The following CDH12 variants were observed in gnomAD, a reference collection of about 807,000 sequenced individuals.
CDH12 encodes the protein cadherin 12, also known as cadherin-12.
In CDH12, 41 loss-of-function variants were observed where a neutral mutation model predicts 74.1. The ratio of observed to expected loss-of-function variants is 0.55; its 90% CI spans 0.43 to 0.72. CDH12 has a LOEUF of 0.72. Among genes scored for constraint, CDH12 ranks in the 30% least tolerant of loss-of-function variants. The pLI, the probability that CDH12 is intolerant of heterozygous loss-of-function variation, is 0.00. For synonymous variants in CDH12, 399 were observed against 355.0 expected (o/e 1.12, Z -1.39); for missense variants, 945 against 977.2 (o/e 0.97, Z 0.44).
At chr5:22,616,300 T>A (rs1402949129) in intron 1 of CDH12, among the ~76,000 whole-genome samples, 7 of 152,184 alleles carry the variant, frequency 4.6e-5, no homozygotes, top group African/African-American at 1.2e-4. Context: ...CAAATAGGTA[T>A]GAGAAAAGCT....
intron 1 of CDH12, chr5:22,638,572 A>G (rs557318536): frequency 3.6e-4 from 55 of 152,482 alleles, no homozygotes; most frequent in Non-Finnish European, 5.6e-4. Flanking sequence ...ACTGACTCCA[A>G]TGTTAATCTC....
chr5:22,005,243 A>C (rs1736873119), intron 5 of CDH12, among the ~76,000 whole-genome samples: 2 of 152,024 alleles, frequency 1.3e-5, no homozygotes, highest in South Asian at 4.2e-4. Context: ...AGGTTTCGCC[A>C]TGTTGGCCAG....
Position 21,962,256 on chromosome 5 carries a change from A to G in CDH12, c.526+12835T>C, listed in dbSNP as rs557238760. On this transcript the variant is annotated intron_variant, in intron 6 of 14. Transcript: ENST00000382254. The stretch of plus-strand genomic sequence containing the variant: ...GATGGCTTGATATCCCATGTCATTC[A>G]ATCTCTTATTTTAATCATTTTCCTC... Among the ~76,000 whole-genome samples, 270 of 152,064 alleles carry G rather than the reference A, an allele frequency of 1.8e-3. 3 individuals are homozygous for G. The highest frequency in any genetic ancestry group is 5.9e-3 in the African/African-American group (246 of 41,510).
At chr5:22,209,701 C>G (rs1385100789) in intron 4 of CDH12, among the ~76,000 whole-genome samples, 1 of 151,042 alleles carries the variant, frequency 6.6e-6, no homozygotes, top group African/African-American at 2.4e-5. Context: ...AAAGTACATG[C>G]TGGTTTCCAA....
At chr5:22,376,689 T>G (rs913020803) in intron 3 of CDH12, among the ~76,000 whole-genome samples, 1 of 148,776 alleles carries the variant, frequency 6.7e-6, no homozygotes, top group Non-Finnish European at 1.5e-5. Flanking sequence ...ACTAATTTTT[T>G]TTTTTTTTTT....
intron 1 of CDH12, among the ~76,000 whole-genome samples, chr5:22,680,661 A>G (rs1741442109): frequency 6.6e-6 from 1 of 152,022 alleles, no homozygotes; most frequent in South Asian, 2.1e-4. Context: ...TATTATATGG[A>G]TGACTATGTT....
chr5:22,380,969 ATAT>A (rs1175946356), intron 3 of CDH12, among the ~76,000 whole-genome samples: 23 of 152,210 alleles, frequency 1.5e-4, no homozygotes, highest in African/African-American at 5.1e-4. Flanking sequence ...GATTCAAGAA[ATAT>A]TATACTGTAT....
intron 3 of CDH12, among the ~76,000 whole-genome samples, chr5:22,370,585 T>C (rs1405664432): frequency 5.3e-5 from 8 of 152,170 alleles, no homozygotes; most frequent in Non-Finnish European, 8.8e-5. Flanking sequence ...TTTGAGTATT[T>C]TCCTAACAGA....
At chr5:22,786,245 A>G (rs901947918) in intron 1 of CDH12, among the ~76,000 whole-genome samples, 2 of 152,250 alleles carry the variant, frequency 1.3e-5, no homozygotes, top group African/African-American at 2.4e-5. Context: ...GTTCTCACTT[A>G]TAAGTGGGAG....
chr5:22,536,656 G>T (rs1737859487), intron 1 of CDH12, among the ~76,000 whole-genome samples: 1 of 152,152 alleles, frequency 6.6e-6, no homozygotes, highest in Admixed American at 6.5e-5. Context: ...TACAAATTCT[G>T]TAGAGTATAT....
At chr5:21,936,553 T>G (rs1396244988) in intron 6 of CDH12, among the ~76,000 whole-genome samples, 2 of 152,194 alleles carry the variant, frequency 1.3e-5, no homozygotes, top group Non-Finnish European at 2.9e-5. Flanking sequence ...TAGCTACAAA[T>G]TTTGATAAGC....
rs70957095 is a variant in CDH12 at position 22,153,887 on chromosome 5, T to TAA, written c.-187+58609_-187+58610dup. On this transcript the variant is annotated intron_variant, in intron 4 of 14. Coordinates refer to ENST00000382254, the MANE Select transcript of CDH12 (RefSeq NM_004061.5). ...ATATATATATGTATATATATATATATAAATATATATATATATACACACACA... is the reference window on the plus strand; with the variant it reads ...ATATATATATGTATATATATATATATAAAAATATATATATATATACACACACA... Among the ~76,000 whole-genome samples, 504 of 70,226 alleles carry TAA rather than the reference T, an allele frequency of 7.2e-3. 6 individuals carry two copies. Among genetic ancestry groups the TAA allele is most frequent in the Admixed American group, 0.014 (65 of 4,622 alleles). 46.1% of individuals were successfully genotyped at this position (70,226 alleles called of 152,430 possible). A position where few individuals can be genotyped will look rare whatever the true frequency, so the allele number is the denominator to read the frequency against.
intron 1 of CDH12, among the ~76,000 whole-genome samples, chr5:22,759,859 C>CA (rs1746116471): frequency 6.6e-6 from 1 of 152,138 alleles, no homozygotes; most frequent in African/African-American, 2.4e-5. Flanking sequence ...AAGCTGGGAA[C>CA]TCAGAGAAGA....
At chr5:22,343,360 AGAG>A (rs1187146526) in intron 3 of CDH12, among the ~76,000 whole-genome samples, 1 of 149,378 alleles carries the variant, frequency 6.7e-6, no homozygotes, top group Non-Finnish European at 1.5e-5. Context: ...AGAGAGAGAG[AGAG>A]AACACAGACT....
intron 3 of CDH12, among the ~76,000 whole-genome samples, chr5:22,283,251 T>TATATACAC (rs1282673054): frequency 2.0e-5 from 2 of 102,062 alleles, no homozygotes; most frequent in African/African-American, 8.2e-5. Flanking sequence ...TATATATATA[T>TATATACAC]ACACACACAC....
intron 5 of CDH12, among the ~76,000 whole-genome samples, chr5:22,075,081 C>T (rs1164691204): frequency 6.6e-6 from 1 of 151,938 alleles, no homozygotes; most frequent in Non-Finnish European, 1.5e-5. Context: ...CAATGATAGA[C>T]TGGATTAAGA....
At chr5:22,524,243 T>C (rs959435976) in intron 1 of CDH12, among the ~76,000 whole-genome samples, 29 of 152,176 alleles carry the variant, frequency 1.9e-4, no homozygotes, top group African/African-American at 7.0e-4. Context: ...CACCTTGGCC[T>C]TCCAAAGTGC....
intron 3 of CDH12, among the ~76,000 whole-genome samples, chr5:22,401,547 C>T (rs878976430): frequency 3.3e-5 from 5 of 152,010 alleles, no homozygotes; most frequent in Admixed American, 3.3e-4. Flanking sequence ...TAGTAATAGA[C>T]ACAAATTCTA....
At chr5:22,702,816 G>C (rs1742786939) in intron 1 of CDH12, among the ~76,000 whole-genome samples, 1 of 151,982 alleles carries the variant, frequency 6.6e-6, no homozygotes, top group South Asian at 2.1e-4. Context: ...GAGAGACCCT[G>C]GTCCTTTGAT....
Sources: gnomAD v4.1 joint callset for allele counts (sites outside exome capture counted in the v4.1 genomes callset) on GRCh38, gnomAD v4.1.1 for gene constraint, MANE v1.5 for transcripts, NCBI Gene and HGNC (gene_info 2026-07-23, HGNC 2026-07-21) for gene names.